The following STXBP5L variants were observed in gnomAD, a reference collection of about 807,000 sequenced individuals.
STXBP5L encodes syntaxin-binding protein 5-like.
A neutral mutation model predicts 144.5 loss-of-function variants in STXBP5L; 65 were observed. That is an observed-to-expected ratio of 0.45 (90% CI 0.37 to 0.55). The LOEUF (loss-of-function observed/expected upper bound fraction) is 0.55, where lower values mean the gene tolerates loss of function less well. Among genes scored for constraint, STXBP5L ranks in the 20% least tolerant of loss-of-function variants. STXBP5L has a pLI of 0.00. For synonymous variants in STXBP5L, 505 were observed against 469.6 expected (o/e 1.08, Z -0.97); for missense variants, 1,298 against 1,405.5 (o/e 0.92, Z 1.22).
At chr3:120,973,369 A>C (rs1274298923) in intron 3 of STXBP5L, among the ~76,000 whole-genome samples, 1 of 151,840 alleles carries the variant, frequency 6.6e-6, no homozygotes, top group East Asian at 1.9e-4. Context: ...AGGTGCTCAT[A>C]ATGGTCTCTG....
chr3:121,091,571 T>C (rs1049547940), intron 5 of STXBP5L, among the ~76,000 whole-genome samples: 1 of 152,220 alleles, frequency 6.6e-6, no homozygotes, highest in African/African-American at 2.4e-5. Context: ...GCTGCATAAA[T>C]GTCTTCTTTT....
chr3:120,959,664 T>C (rs1938512917), intron 3 of STXBP5L, among the ~76,000 whole-genome samples: 1 of 152,238 alleles, frequency 6.6e-6, no homozygotes, highest in African/African-American at 2.4e-5. Context: ...GGATTCCCTA[T>C]TTTATAAATG....
At chr3:121,301,412 C>A (rs992271751) in intron 19 of STXBP5L, among the ~76,000 whole-genome samples, 4 of 152,128 alleles carry the variant, frequency 2.6e-5, no homozygotes, top group African/African-American at 9.7e-5. Flanking sequence ...TGAGACTTTG[C>A]TGAAGTTGGT....
At chr3:120,929,104 T>C (rs968447090) in intron 2 of STXBP5L, among the ~76,000 whole-genome samples, 1 of 152,162 alleles carries the variant, frequency 6.6e-6, no homozygotes, top group Non-Finnish European at 1.5e-5. Context: ...TGTGATTGGT[T>C]TGGGAAGCAT....
intron 15 of STXBP5L, among the ~76,000 whole-genome samples, chr3:121,251,907 A>G (rs903984189): frequency 4.6e-5 from 7 of 152,220 alleles, no homozygotes; most frequent in Non-Finnish European, 8.8e-5. Context: ...CTGACTTCAC[A>G]TAATAAAAAG....
intron 20 of STXBP5L, among the ~76,000 whole-genome samples, chr3:121,325,805 C>T (rs1395803530): frequency 2.0e-5 from 3 of 151,758 alleles, no homozygotes; most frequent in African/African-American, 7.2e-5. Context: ...TATCTTTAAT[C>T]CTTACATCTA....
intron 5 of STXBP5L, among the ~76,000 whole-genome samples, chr3:121,093,195 T>G (rs150852679): frequency 0.12 from 18,253 of 152,214 alleles, 1,151 homozygotes; most frequent in Non-Finnish European, 0.14. Context: ...TGAGGATTTT[T>G]GCATCAATGT....
intron 3 of STXBP5L, among the ~76,000 whole-genome samples, chr3:120,974,163 G>A (rs1306864586): frequency 1.3e-5 from 2 of 152,094 alleles, no homozygotes; most frequent in African/African-American, 4.8e-5. Flanking sequence ...CACCAACAGT[G>A]TAAAAGTGTT....
intron 9 of STXBP5L, among the ~76,000 whole-genome samples, chr3:121,177,829 A>G (rs1577125128): frequency 2.6e-5 from 4 of 152,214 alleles, no homozygotes; most frequent in Admixed American, 2.6e-4. Context: ...GTATACTCAT[A>G]TTCATTGACA....
intron 9 of STXBP5L, among the ~76,000 whole-genome samples, chr3:121,203,695 C>A (rs6796736): frequency 0.099 from 15,088 of 152,108 alleles, 1,174 homozygotes; most frequent in Admixed American, 0.2. Context: ...TATAATTATT[C>A]TTTCCCACTG....
chr3:121,102,474 T>G (rs536853169), intron 5 of STXBP5L, among the ~76,000 whole-genome samples: 4 of 152,264 alleles, frequency 2.6e-5, no homozygotes, highest in East Asian at 3.9e-4. Context: ...GTACTCCCTA[T>G]TCAATAAATG....
At chr3:121,371,511 C>T (rs1354373977) in intron 20 of STXBP5L, among the ~76,000 whole-genome samples, 1 of 152,252 alleles carries the variant, frequency 6.6e-6, no homozygotes, top group African/African-American at 2.4e-5. Flanking sequence ...CTAGCAGCAG[C>T]AGCAGTGCAG....
intron 3 of STXBP5L, among the ~76,000 whole-genome samples, chr3:120,992,555 A>G (rs943230521): frequency 4.6e-5 from 7 of 152,076 alleles, no homozygotes; most frequent in Non-Finnish European, 8.8e-5. Context: ...TGTGATGTTT[A>G]TATTTCTGTG....
intron 5 of STXBP5L, among the ~76,000 whole-genome samples, chr3:121,073,178 T>C (rs933700198): frequency 2.6e-5 from 4 of 152,234 alleles, no homozygotes; most frequent in Non-Finnish European, 5.9e-5. Flanking sequence ...TCATCCACTG[T>C]TTCCACACAA....
intron 20 of STXBP5L, chr3:121,357,802 C>G (rs1418841115): frequency 6.6e-6 from 1 of 152,096 alleles, no homozygotes; most frequent in Non-Finnish European, 1.5e-5. Context: ...ATAGAGCATG[C>G]AGCATAAAAT....
chr3:121,037,807 G>T (rs891548768), intron 3 of STXBP5L, among the ~76,000 whole-genome samples: 2 of 151,790 alleles, frequency 1.3e-5, no homozygotes, highest in South Asian at 2.1e-4. Flanking sequence ...AGTTTTCTTT[G>T]AGGAAATAAT....
rs191069104 is a variant in STXBP5L, at chr3:121,013,921, C to T, written c.288-27779C>T. On this transcript the variant is annotated intron_variant, in intron 3 of 26. Coordinates refer to ENST00000471454, the MANE Select transcript of STXBP5L (RefSeq NM_001308330.2). The stretch of plus-strand genomic sequence containing the variant: ...TCCTTTCCCTGTTGTTTATTTTTGT[C>T]AACTTTGTCAAAGATCAGATGGTTG... Among the ~76,000 whole-genome samples the T allele has an allele frequency of 3.1e-3, 466 of 152,018 alleles. 5 individuals carry two copies. Among genetic ancestry groups the T allele is most frequent in the African/African-American group, 0.011 (450 of 41,498 alleles).
intron 19 of STXBP5L, among the ~76,000 whole-genome samples, chr3:121,318,095 T>C (rs1458851721): frequency 6.6e-6 from 1 of 152,094 alleles, no homozygotes; most frequent in African/African-American, 2.4e-5. Flanking sequence ...GTACCATCCA[T>C]GTTTAAATAC....
chr3:121,196,739 G>A lies in STXBP5L; in HGVS notation c.878-9184G>A, dbSNP rs185951192. Among the ~76,000 whole-genome samples the A allele has an allele frequency of 2.6e-5, 4 of 151,894 alleles. No individual in the cohort carries two copies. In the East Asian group the frequency reaches 5.8e-4, roughly 22 times the overall value. On this transcript the variant is annotated intron_variant, in intron 9 of 26. Coordinates refer to ENST00000471454, the MANE Select transcript of STXBP5L (RefSeq NM_001308330.2). ...GTGCAGTGGCATGATCATGGATCAC[G>A]GCTCACTGCAGCCTCAACCTCCCTG...
Sources: allele counts gnomAD v4.1 joint callset (sites outside exome capture counted in the v4.1 genomes callset), GRCh38; gene constraint gnomAD v4.1.1; transcripts MANE v1.5; gene names NCBI Gene and HGNC (gene_info 2026-07-23, HGNC 2026-07-21).